Variants in TOX observed in about 807,000 individuals in gnomAD.
TOX encodes the protein thymocyte selection-associated high mobility group box protein TOX.
TOX carries 11 observed loss-of-function variants against 53.7 expected under a neutral mutation model. That is an observed-to-expected ratio of 0.20 (90% CI 0.13 to 0.34). TOX has a LOEUF of 0.34. Ranked by LOEUF, TOX falls within the 10% of genes least tolerant of loss-of-function variation. The pLI is 1.00. For synonymous variants in TOX, 225 were observed against 245.3 expected (o/e 0.92, Z 0.77); for missense variants, 570 against 664.6 (o/e 0.86, Z 1.56).
intron 3 of TOX, among the ~76,000 whole-genome samples, chr8:58,874,705 T>C (rs1038398980): frequency 3.9e-5 from 6 of 152,152 alleles, no homozygotes; most frequent in East Asian, 1.9e-4. Context: ...CAAAAACATG[T>C]AGGGTGTCTA....
intron 3 of TOX, among the ~76,000 whole-genome samples, chr8:58,856,616 C>G (rs1219379027): frequency 1.3e-5 from 2 of 152,138 alleles, no homozygotes; most frequent in East Asian, 3.9e-4. Context: ...ATGGGCCCCT[C>G]TAGCTGGCTC....
chr8:59,078,794 C>T lies in TOX; in HGVS notation c.102+40092G>A, dbSNP rs34657656. On this transcript the variant is annotated intron_variant, in intron 1 of 8. Coordinates refer to ENST00000361421, the MANE Select transcript of TOX (RefSeq NM_014729.3). ...ACAGTTTGGAGGGCTCAGAAGAAGA[C>T]AGGAAGATGAAGAAAAGTGTATAAC... 9.9e-3 allele frequency among the ~76,000 whole-genome samples: 1,503 copies of T among 152,184 alleles called. 15 individuals carry two copies. The highest frequency in any genetic ancestry group is 0.026 in the South Asian group (123 of 4,814).
At chr8:58,984,192 T>A (rs943657536) in intron 1 of TOX, among the ~76,000 whole-genome samples, 3 of 152,192 alleles carry the variant, frequency 2.0e-5, no homozygotes, top group African/African-American at 7.2e-5. Flanking sequence ...TAAAACTTTA[T>A]ATGCATTAAA....
chr8:58,877,072 C>T (rs1310661086), intron 3 of TOX, among the ~76,000 whole-genome samples: 1 of 152,154 alleles, frequency 6.6e-6, no homozygotes, highest in Non-Finnish European at 1.5e-5. Flanking sequence ...TGTATTTTGA[C>T]TAAAGGATTG....
chr8:58,822,668 C>G (rs1370288916), intron 6 of TOX, among the ~76,000 whole-genome samples: 1 of 152,230 alleles, frequency 6.6e-6, no homozygotes, highest in African/African-American at 2.4e-5. Flanking sequence ...CGGCTGGACT[C>G]CACCCTCAAT....
chr8:58,933,462 C>T (rs1036823776), intron 3 of TOX, among the ~76,000 whole-genome samples: 3 of 151,996 alleles, frequency 2.0e-5, no homozygotes, highest in Non-Finnish European at 4.4e-5. Context: ...AAAACACTAT[C>T]CATCCACACA....
intron 3 of TOX, among the ~76,000 whole-genome samples, chr8:58,920,753 A>AG (rs1413511642): frequency 2.2e-4 from 32 of 148,636 alleles, no homozygotes; most frequent in Non-Finnish European, 3.7e-4. Context: ...AAAGAAGAAA[A>AG]AAAAAAAAGA....
At chr8:59,065,454 A>G (rs1318657067) in intron 1 of TOX, among the ~76,000 whole-genome samples, 2 of 152,200 alleles carry the variant, frequency 1.3e-5, no homozygotes, top group African/African-American at 4.8e-5. Context: ...AATGTTTTTT[A>G]AGAGGAAGTA....
chr8:58,873,763 T>C (rs182051261), intron 3 of TOX, among the ~76,000 whole-genome samples: 1 of 152,070 alleles, frequency 6.6e-6, no homozygotes, highest in African/African-American at 2.4e-5. Flanking sequence ...CTTTGGAAGA[T>C]GGTTAGTAGA....
intron 1 of TOX, among the ~76,000 whole-genome samples, chr8:59,011,801 C>T (rs1359806683): frequency 6.6e-6 from 1 of 152,138 alleles, no homozygotes; most frequent in Admixed American, 6.5e-5. Context: ...TATCCTATTG[C>T]CTGGTACACT....
intron 1 of TOX, among the ~76,000 whole-genome samples, chr8:59,012,757 A>G (rs1440415321): frequency 6.6e-6 from 1 of 152,138 alleles, no homozygotes; most frequent in Non-Finnish European, 1.5e-5. Context: ...TTCAAAAGTG[A>G]CAATTGCAGT....
intron 1 of TOX, among the ~76,000 whole-genome samples, chr8:58,995,545 C>T (rs1179064561): frequency 2.0e-5 from 3 of 152,172 alleles, no homozygotes; most frequent in Non-Finnish European, 4.4e-5. Context: ...GCATGGAGCA[C>T]ACAGGCACTG....
intron 1 of TOX, among the ~76,000 whole-genome samples, chr8:59,037,350 C>T (rs1803488428): frequency 6.6e-6 from 1 of 152,046 alleles, no homozygotes; most frequent in Non-Finnish European, 1.5e-5. Flanking sequence ...TTCTCTCTTT[C>T]TTAAGGTCCT....
chr8:58,982,304 G>A (rs1813220730), intron 1 of TOX, among the ~76,000 whole-genome samples: 2 of 152,158 alleles, frequency 1.3e-5, no homozygotes, highest in South Asian at 4.1e-4. Flanking sequence ...GCTCCCCAGA[G>A]GAATGGCGTA....
chr8:59,079,026 A>C (rs1474096884), intron 1 of TOX, among the ~76,000 whole-genome samples: 2 of 152,214 alleles, frequency 1.3e-5, no homozygotes, highest in Non-Finnish European at 2.9e-5. Flanking sequence ...CTTAAGAGTG[A>C]TGATTTAGGG....
chr8:58,832,306 G>A (rs1460489997), intron 5 of TOX, among the ~76,000 whole-genome samples: 4 of 151,254 alleles, frequency 2.6e-5, no homozygotes, highest in Admixed American at 6.6e-5. Context: ...GAATATGGAC[G>A]GACTTTGCTT....
intron 1 of TOX, among the ~76,000 whole-genome samples, chr8:59,089,821 G>C (rs938919668): frequency 6.6e-6 from 1 of 152,208 alleles, no homozygotes; most frequent in African/African-American, 2.4e-5. Flanking sequence ...CCAAGTTCAA[G>C]TGACCTCCTG....
chr8:58,954,234 G>A (rs1248955287), intron 2 of TOX, among the ~76,000 whole-genome samples: 2 of 152,012 alleles, frequency 1.3e-5, no homozygotes. Context: ...AATATATAAG[G>A]GCACTGACAC....
At position 58,908,106 on chromosome 8, in the gene TOX, C is replaced by T. The variant is rs1031039459; in HGVS notation, c.411+31196G>A. ...CTCTCTCTGCCTTTCCCAGAGCCCC[C>T]GCCATAGGCCCCCAGTGTGTGTTTT... On this transcript the variant is annotated intron_variant, in intron 3 of 8. Coordinates refer to ENST00000361421, the MANE Select transcript of TOX (RefSeq NM_014729.3). 5.3e-5 allele frequency among the ~76,000 whole-genome samples: 8 copies of T among 152,250 alleles called. No individual in the cohort carries two copies. In the East Asian group the frequency reaches 7.7e-4, roughly 15 times the overall value.
Sources: allele counts gnomAD v4.1 joint callset (sites outside exome capture counted in the v4.1 genomes callset), GRCh38; gene constraint gnomAD v4.1.1; transcripts MANE v1.5; gene names NCBI Gene and HGNC (gene_info 2026-07-23, HGNC 2026-07-21).